ZCCHC7: variants seen among roughly 807,000 people sequenced by gnomAD.
ZCCHC7 encodes zinc finger CCHC domain-containing protein 7.
ZCCHC7 carries 35 observed loss-of-function variants against 52.0 expected under a neutral mutation model. That is an observed-to-expected ratio of 0.67 (90% confidence interval 0.51 to 0.89). The LOEUF is 0.89. Among genes scored for constraint, ZCCHC7 ranks in the 40% least tolerant of loss-of-function variants. The pLI is 0.00. For missense variants in ZCCHC7, 574 were observed against 649.1 expected, an observed-to-expected ratio of 0.88 and a Z score of 1.26; for synonymous variants, 217 against 221.5, an observed-to-expected ratio of 0.98 and a Z score of 0.18.
At chr9:37,214,313 A>G (rs1824391383) in intron 2 of ZCCHC7, among the ~76,000 whole-genome samples, 1 of 152,060 alleles carries the variant, frequency 6.6e-6, no homozygotes, top group Non-Finnish European at 1.5e-5. Flanking sequence ...TGTTAAGGAA[A>G]CATTATCCCA....
At chr9:37,317,504 G>C (rs1026972781) in intron 5 of ZCCHC7, among the ~76,000 whole-genome samples, 1 of 152,150 alleles carries the variant, frequency 6.6e-6, no homozygotes. Context: ...TTGAGGTCAG[G>C]AGTTCAAGAC....
chr9:37,268,571 C>T (rs913258940), intron 2 of ZCCHC7, among the ~76,000 whole-genome samples: 6 of 152,020 alleles, frequency 3.9e-5, no homozygotes, highest in African/African-American at 9.7e-5. Flanking sequence ...GGACTACAGG[C>T]GCCCGCCACC....
intron 6 of ZCCHC7, among the ~76,000 whole-genome samples, chr9:37,341,200 C>A (rs754420813): frequency 1.5e-4 from 23 of 152,134 alleles, no homozygotes; most frequent in Non-Finnish European, 2.8e-4. Context: ...ATACCACATT[C>A]TCAGTGTGAA....
intron 2 of ZCCHC7, among the ~76,000 whole-genome samples, chr9:37,232,862 T>C (rs1825472254): frequency 6.6e-6 from 1 of 152,224 alleles, no homozygotes; most frequent in East Asian, 1.9e-4. Context: ...TTTATAACTC[T>C]TAATATTGGA....
chr9:37,336,814 T>C (rs2118379503), intron 6 of ZCCHC7, among the ~76,000 whole-genome samples: 1 of 152,286 alleles, frequency 6.6e-6, no homozygotes, highest in East Asian at 1.9e-4. Context: ...CCCTTCCCCC[T>C]ACATCCTGTC....
At chr9:37,318,472 T>C (rs1239196109) in intron 5 of ZCCHC7, among the ~76,000 whole-genome samples, 4 of 151,276 alleles carry the variant, frequency 2.6e-5, no homozygotes. Context: ...AAAAAATATA[T>C]ATATTTTATA....
intron 2 of ZCCHC7, among the ~76,000 whole-genome samples, chr9:37,219,903 CA>C (rs1352321976): frequency 6.6e-6 from 1 of 152,074 alleles, no homozygotes; most frequent in African/African-American, 2.4e-5. Flanking sequence ...GAATAGATAT[CA>C]AGGACGTCAG....
intron 2 of ZCCHC7, among the ~76,000 whole-genome samples, chr9:37,175,960 A>G (rs1163947211): frequency 6.6e-6 from 1 of 152,222 alleles, no homozygotes; most frequent in Non-Finnish European, 1.5e-5. Context: ...TCTTTTATCA[A>G]AAATGTAAGA....
rs151071231 is a variant in ZCCHC7, at chr9:37,168,237, C to T, written c.610+41295C>T. Among the ~76,000 whole-genome samples, 38 of 152,232 alleles carry T rather than the reference C, an allele frequency of 2.5e-4. 1 individual carries two copies. In the East Asian group the frequency reaches 7.0e-3, roughly 28 times the overall value. ...ATTATTGTCCTGTTTCTTAATGTCTCGTGTTTTAAACGCTTTTTCATGTGT... is the reference window on the plus strand; with the variant it reads ...ATTATTGTCCTGTTTCTTAATGTCTTGTGTTTTAAACGCTTTTTCATGTGT... On this transcript the variant is annotated intron_variant, in intron 2 of 8. Coordinates refer to ENST00000336755, the MANE Select transcript of ZCCHC7 (RefSeq NM_032226.3).
chr9:37,129,021 A>G (rs1480955450), intron 2 of ZCCHC7, among the ~76,000 whole-genome samples: 1 of 152,218 alleles, frequency 6.6e-6, no homozygotes, highest in African/African-American at 2.4e-5. Flanking sequence ...TGTTGATTTC[A>G]AATTCTCTGT....
At chr9:37,222,280 T>G (rs1032828632) in intron 2 of ZCCHC7, among the ~76,000 whole-genome samples, 6 of 148,338 alleles carry the variant, frequency 4.0e-5, no homozygotes, top group African/African-American at 1.5e-4. Flanking sequence ...CTTATAACAG[T>G]TAAGATAACA....
At chr9:37,182,670 C>T (rs200793336) in intron 2 of ZCCHC7, among the ~76,000 whole-genome samples, 4 of 152,062 alleles carry the variant, frequency 2.6e-5, no homozygotes, top group African/African-American at 7.2e-5. Context: ...CTGGCCCAGT[C>T]GTAGTGATTT....
intron 2 of ZCCHC7, among the ~76,000 whole-genome samples, chr9:37,296,883 G>GTGTA (rs1207556911): frequency 1.8e-3 from 142 of 81,110 alleles, no homozygotes; most frequent in African/African-American, 8.1e-3. Context: ...TGGCTAGTTT[G>GTGTA]TGTGTGTGTG....
chr9:37,335,048 G>C (rs1415188773), intron 6 of ZCCHC7, among the ~76,000 whole-genome samples: 1 of 151,728 alleles, frequency 6.6e-6, no homozygotes. Context: ...TAAATTATAA[G>C]ATCATCTTTA....
chr9:37,295,006 G>A (rs1160977349), intron 2 of ZCCHC7, among the ~76,000 whole-genome samples: 1 of 152,164 alleles, frequency 6.6e-6, no homozygotes, highest in Non-Finnish European at 1.5e-5. Context: ...CAGTAAATAT[G>A]AATACCTATG....
chr9:37,281,115 T>G (rs1260445759), intron 2 of ZCCHC7, among the ~76,000 whole-genome samples: 1 of 152,118 alleles, frequency 6.6e-6, no homozygotes, highest in African/African-American at 2.4e-5. Context: ...GTATAGTTCC[T>G]AAGGTCCCTC....
rs34589957 is a variant in ZCCHC7 at position 37,130,334 on chromosome 9, C to CTTTTTTT, written c.610+3416_610+3422dup. 4.8e-4 allele frequency among the ~76,000 whole-genome samples: 30 copies of CTTTTTTT among 63,136 alleles called. 5 individuals carry two copies. The highest frequency in any genetic ancestry group is 1.1e-3 in the African/African-American group (19 of 16,692). 41.4% of individuals were successfully genotyped at this position (63,136 alleles called of 152,430 possible). A position where few individuals can be genotyped will look rare whatever the true frequency, so the allele number is the denominator to read the frequency against. ...GCTAAGTAATTTACGGAATTCTCTC[C>CTTTTTTT]TTTTTTTTTTTTTTTTTTTTTTTTT... On this transcript the variant is annotated intron_variant, in intron 2 of 8. Transcript: ENST00000336755.
chr9:37,328,501 G>A (rs77001127), intron 6 of ZCCHC7, among the ~76,000 whole-genome samples: 7,728 of 151,936 alleles, frequency 0.051, 641 homozygotes, highest in African/African-American at 0.17. Flanking sequence ...AATCATTTCA[G>A]TAATTCACCA....
At chr9:37,299,032 A>G (rs1028083519) in intron 2 of ZCCHC7, among the ~76,000 whole-genome samples, 2 of 152,126 alleles carry the variant, frequency 1.3e-5, no homozygotes, top group African/African-American at 4.8e-5. Context: ...ATACAAAGAA[A>G]GAATTACCAG....
Sources: allele counts gnomAD v4.1 joint callset (sites outside exome capture counted in the v4.1 genomes callset), GRCh38; gene constraint gnomAD v4.1.1; transcripts MANE v1.5; gene names NCBI Gene and HGNC (gene_info 2026-07-23, HGNC 2026-07-21).